BCKDHB: variants seen among roughly 807,000 people sequenced by gnomAD.
The protein encoded by BCKDHB is branched chain keto acid dehydrogenase E1 subunit beta, also known as 2-oxoisovalerate dehydrogenase subunit beta, mitochondrial.
Under a neutral mutation model 48.5 loss-of-function variants are expected in BCKDHB, and 41 were observed. The ratio of observed to expected loss-of-function variants is 0.85; its 90% CI spans 0.66 to 1.10. The LOEUF is 1.10. Among genes scored for constraint, BCKDHB ranks in the 50% least tolerant of loss-of-function variants. The pLI is 0.00. For synonymous variants in BCKDHB, 201 were observed against 174.8 expected, an observed-to-expected ratio of 1.15 and a Z score of -1.18; for missense variants, 496 against 494.2, an observed-to-expected ratio of 1.00 and a Z score of -0.03.
At chr6:80,184,542 C>T (rs143307983) in intron 6 of BCKDHB, among the ~76,000 whole-genome samples, 1 of 151,690 alleles carries the variant, frequency 6.6e-6, no homozygotes, top group Admixed American at 6.6e-5. Flanking sequence ...GAGATTTATA[C>T]TTTATAGGGA....
intron 8 of BCKDHB, among the ~76,000 whole-genome samples, chr6:80,221,679 A>T (rs746634094): frequency 5.9e-5 from 9 of 152,204 alleles, no homozygotes; most frequent in Admixed American, 3.3e-4. Context: ...AAATGATAGC[A>T]GACATTAAAT....
At chr6:80,359,793 A>G in the BCKDHB span, among the ~76,000 whole-genome samples, 2 of 152,040 alleles carry the variant, frequency 1.3e-5, no homozygotes, top group South Asian at 4.1e-4. Flanking sequence ...GGGTTTCACC[A>G]TGTTGGTCAG....
intron 6 of BCKDHB, among the ~76,000 whole-genome samples, chr6:80,180,270 G>A (rs77198939): frequency 3.3e-5 from 5 of 151,970 alleles, no homozygotes; most frequent in Admixed American, 2.0e-4. Flanking sequence ...TAATATTTTC[G>A]ATTTCCTGAT....
At chr6:80,335,231 G>GA (rs796841647) in intron 9 of BCKDHB, among the ~76,000 whole-genome samples, 184 of 40,456 alleles carry the variant, frequency 4.5e-3, no homozygotes, top group Admixed American at 8.6e-3. Context: ...AATTTTGTGG[G>GA]AAAAAAAAAA....
intron 9 of BCKDHB, among the ~76,000 whole-genome samples, chr6:80,329,121 T>C (rs76449177): frequency 9.5e-4 from 145 of 152,266 alleles, no homozygotes; most frequent in East Asian, 7.3e-3. Context: ...AAAAAATACT[T>C]GAATAGTAGC....
At chr6:80,422,279 A>G in the BCKDHB span, among the ~76,000 whole-genome samples, 1 of 152,192 alleles carries the variant, frequency 6.6e-6, no homozygotes, top group Non-Finnish European at 1.5e-5. Flanking sequence ...TGTGCAGAAG[A>G]CAAGAGTTGA....
At chr6:80,204,349 C>T (rs1012259882) in intron 8 of BCKDHB, among the ~76,000 whole-genome samples, 2 of 152,110 alleles carry the variant, frequency 1.3e-5, no homozygotes, top group East Asian at 3.9e-4. Flanking sequence ...CCGAGCCATT[C>T]TATTTGTAGT....
chr6:80,415,585 G>A, the BCKDHB span, among the ~76,000 whole-genome samples: 70 of 152,092 alleles, frequency 4.6e-4, 1 homozygote, highest in Admixed American at 4.6e-3. Flanking sequence ...ATCAATTTGA[G>A]TATGTTGAAC....
At chr6:80,260,207 T>TGTTG (rs1554203470) in intron 8 of BCKDHB, among the ~76,000 whole-genome samples, 95 of 126,920 alleles carry the variant, frequency 7.5e-4, no homozygotes, top group Admixed American at 1.4e-3. Flanking sequence ...CTGGTGGTAA[T>TGTTG]GGTGGGTGTG....
chr6:80,213,136 T>C (rs891012211), intron 8 of BCKDHB, among the ~76,000 whole-genome samples: 1 of 152,214 alleles, frequency 6.6e-6, no homozygotes, highest in Non-Finnish European at 1.5e-5. Flanking sequence ...ATGTTTTCAA[T>C]TTGGTGCTTC....
intron 1 of BCKDHB, among the ~76,000 whole-genome samples, chr6:80,123,132 C>T: frequency 6.6e-6 from 1 of 152,112 alleles, no homozygotes; most frequent in South Asian, 2.1e-4. Context: ...CACAGGCAGT[C>T]AGACCTTATG....
intron 8 of BCKDHB, among the ~76,000 whole-genome samples, chr6:80,226,476 G>A (rs1401896319): frequency 6.6e-6 from 1 of 152,194 alleles, no homozygotes; most frequent in Admixed American, 6.5e-5. Flanking sequence ...AGCTACAAAA[G>A]TAGGATAACT....
At chr6:80,230,487 T>C (rs1392356212) in intron 8 of BCKDHB, among the ~76,000 whole-genome samples, 1 of 152,198 alleles carries the variant, frequency 6.6e-6, no homozygotes. Flanking sequence ...GGCTGGGATT[T>C]GACATATGGA....
At chr6:80,360,858 T>C in the BCKDHB span, among the ~76,000 whole-genome samples, 18 of 151,476 alleles carry the variant, frequency 1.2e-4, no homozygotes, top group African/African-American at 4.1e-4. Flanking sequence ...TACAAAAATT[T>C]GCCAGGTGTG....
At chr6:80,115,116 A>C (rs1021592542) in intron 1 of BCKDHB, among the ~76,000 whole-genome samples, 1 of 152,122 alleles carries the variant, frequency 6.6e-6, no homozygotes, top group African/African-American at 2.4e-5. Flanking sequence ...TTACAAAGGC[A>C]ATTGCCTTTA....
chr6:80,170,601 A>T (rs1445946796), intron 5 of BCKDHB, among the ~76,000 whole-genome samples: 1 of 152,176 alleles, frequency 6.6e-6, no homozygotes, highest in South Asian at 2.1e-4. Flanking sequence ...TGCTATGAAC[A>T]GATGAATTAA....
At chr6:80,411,613 G>T in the BCKDHB span, among the ~76,000 whole-genome samples, 1 of 152,224 alleles carries the variant, frequency 6.6e-6, no homozygotes, top group Non-Finnish European at 1.5e-5. Flanking sequence ...GATGTGTTGG[G>T]CTCTGCCCAG....
intron 3 of BCKDHB, among the ~76,000 whole-genome samples, chr6:80,154,622 C>G (rs868854971): frequency 2.6e-5 from 4 of 151,770 alleles, no homozygotes; most frequent in Non-Finnish European, 4.4e-5. Flanking sequence ...CAAAAGAAGA[C>G]CTAAATTTTA....
At chr6:80,135,391 A>AC (rs965548680) in intron 3 of BCKDHB, among the ~76,000 whole-genome samples, 5 of 152,166 alleles carry the variant, frequency 3.3e-5, no homozygotes, top group African/African-American at 1.2e-4. Flanking sequence ...CATATTTATG[A>AC]CATACAAGCA....
Sources: gnomAD v4.1 joint callset for allele counts (sites outside exome capture counted in the v4.1 genomes callset) on GRCh38, gnomAD v4.1.1 for gene constraint, MANE v1.5 for transcripts, NCBI Gene and HGNC (gene_info 2026-07-23, HGNC 2026-07-21) for gene names.